The following GABRA3 variants were observed in gnomAD, a reference collection of about 807,000 sequenced individuals.
GABRA3 encodes gamma-aminobutyric acid receptor subunit alpha-3.
GABRA3 carries 10 observed loss-of-function variants against 30.1 expected under a neutral mutation model. That is an observed-to-expected ratio of 0.33 (90% CI 0.20 to 0.56). GABRA3 has a LOEUF of 0.56. Ranked by LOEUF, GABRA3 falls within the 20% of genes least tolerant of loss-of-function variation. GABRA3 has a pLI of 0.89. For missense variants in GABRA3, 233 were observed against 392.0 expected (o/e 0.59, Z 3.42); for synonymous variants, 151 against 146.8 (o/e 1.03, Z -0.21).
chrX:152,277,700 CTGT>C (rs753677140), intron 4 of GABRA3, among the ~76,000 whole-genome samples: 76 of 112,049 alleles, frequency 6.8e-4, no homozygotes, highest in African/African-American at 2.3e-3. Flanking sequence ...CAAATGAATT[CTGT>C]TGTTTTGTGA....
intron 6 of GABRA3, among the ~76,000 whole-genome samples, chrX:152,209,741 T>C (rs1258396975): frequency 8.9e-6 from 1 of 112,509 alleles, no homozygotes; most frequent in Non-Finnish European, 1.9e-5. Flanking sequence ...AATAAGTCAT[T>C]TCCTGCTTTG....
chrX:152,322,804 G>C (rs1390893554), intron 3 of GABRA3, among the ~76,000 whole-genome samples: 1 of 102,414 alleles, frequency 9.8e-6, no homozygotes, highest in Non-Finnish European at 2.0e-5. Context: ...AAAGTGCTGG[G>C]ATTACAGGTG....
chrX:152,257,838 G>C (rs1187923752), intron 4 of GABRA3, among the ~76,000 whole-genome samples: 1 of 112,100 alleles, frequency 8.9e-6, no homozygotes, highest in East Asian at 2.8e-4. Flanking sequence ...CTGAAATGTA[G>C]CAACCTCAAA....
chrX:152,381,062 T>C (rs868573364), intron 1 of GABRA3, among the ~76,000 whole-genome samples: 1 of 111,565 alleles, frequency 9.0e-6, no homozygotes, highest in Non-Finnish European at 1.9e-5. Context: ...CCCCTCAGAT[T>C]TGATCTCCTT....
chrX:152,417,037 A>C (rs1209818816), intron 1 of GABRA3, among the ~76,000 whole-genome samples: 1 of 102,553 alleles, frequency 9.8e-6, no homozygotes, highest in Non-Finnish European at 2.0e-5. Context: ...GATCTAATTA[A>C]ACTAAAGAGC....
At chrX:152,391,732 G>A (rs2124515254) in intron 1 of GABRA3, among the ~76,000 whole-genome samples, 1 of 111,471 alleles carries the variant, frequency 9.0e-6, no homozygotes, top group Non-Finnish European at 1.9e-5. Context: ...GGAGTAAAGG[G>A]TATATGTGCA....
intron 7 of GABRA3, among the ~76,000 whole-genome samples, chrX:152,206,624 C>T (rs762099768): frequency 9.9e-4 from 110 of 111,626 alleles, no homozygotes; most frequent in African/African-American, 3.4e-3. Context: ...GCCCTGGCCA[C>T]GCAGTGGCCC....
intron 9 of GABRA3, among the ~76,000 whole-genome samples, chrX:152,181,199 T>G (rs1313518155): frequency 1.8e-5 from 2 of 112,031 alleles, no homozygotes; most frequent in Non-Finnish European, 3.8e-5. Flanking sequence ...ATTTGTGTCT[T>G]CAATTTCTTT....
At position 152,267,722 on chromosome X, in the gene GABRA3, G is replaced by T. The variant is rs1433157250; in HGVS notation, c.331-11724C>A. On this transcript the variant is annotated intron_variant, in intron 4 of 9. Coordinates refer to ENST00000370314, the MANE Select transcript of GABRA3 (RefSeq NM_000808.4). ...TTATTGGGGTTTTCTCTTTCTTCAT[G>T]GTTTAGTCTTAGTAAGCTGTATGTG... Among the ~76,000 whole-genome samples the T allele has an allele frequency of 3.6e-5, 4 of 111,043 alleles. No individual in the cohort carries two copies. In the Admixed American group the frequency reaches 3.8e-4, roughly 11 times the overall value.
intron 5 of GABRA3, among the ~76,000 whole-genome samples, chrX:152,238,476 C>T (rs1396051933): frequency 7.5e-5 from 8 of 106,403 alleles, no homozygotes; most frequent in Admixed American, 3.0e-4. Flanking sequence ...TGTCTCTGCC[C>T]GGCTTTGGTA....
intron 2 of GABRA3, among the ~76,000 whole-genome samples, chrX:152,348,049 T>C (rs1940417568): frequency 8.9e-6 from 1 of 111,974 alleles, no homozygotes; most frequent in African/African-American, 3.2e-5. Context: ...CCCCAAATTA[T>C]TTTCAATATA....
At chrX:152,297,943 AATG>A (rs1172814468) in intron 3 of GABRA3, among the ~76,000 whole-genome samples, 1 of 112,298 alleles carries the variant, frequency 8.9e-6, no homozygotes, top group African/African-American at 3.2e-5. Context: ...GCAGTGCCCA[AATG>A]ATGACCAAAA....
At chrX:152,348,165 C>T (rs1940419946) in intron 2 of GABRA3, among the ~76,000 whole-genome samples, 1 of 111,282 alleles carries the variant, frequency 9.0e-6, no homozygotes, top group African/African-American at 3.3e-5. Flanking sequence ...AGAACTCTTT[C>T]TTATTCAGTA....
intron 3 of GABRA3, among the ~76,000 whole-genome samples, chrX:152,293,662 G>A (rs970788965): frequency 1.8e-5 from 2 of 111,836 alleles, no homozygotes; most frequent in African/African-American, 6.5e-5. Context: ...ATTTGATCCT[G>A]TCATTATGAT....
intron 1 of GABRA3, among the ~76,000 whole-genome samples, chrX:152,442,546 C>A (rs1207737374): frequency 1.8e-5 from 2 of 111,199 alleles, no homozygotes; most frequent in African/African-American, 6.5e-5. Context: ...AAATTAAGAG[C>A]ATAAAATAAA....
chrX:152,237,335 G>T, intron 5 of GABRA3, among the ~76,000 whole-genome samples: 1 of 107,867 alleles, frequency 9.3e-6, no homozygotes, highest in African/African-American at 3.4e-5. Flanking sequence ...TGAGGGCTCT[G>T]TTCTGTTCCA....
At chrX:152,193,520 A>G (rs914961212) in intron 8 of GABRA3, among the ~76,000 whole-genome samples, 1 of 112,206 alleles carries the variant, frequency 8.9e-6, no homozygotes, top group African/African-American at 3.2e-5. Context: ...GGGTGAGTAT[A>G]TGCTTTCATT....
intron 1 of GABRA3, among the ~76,000 whole-genome samples, chrX:152,402,161 G>A (rs774400062): frequency 8.9e-6 from 1 of 112,037 alleles, no homozygotes; most frequent in Non-Finnish European, 1.9e-5. Context: ...CAGGACCTCC[G>A]TAAGGAATAC....
rs1936960272 is a variant in GABRA3 at position 152,168,239 on chromosome X, G to A, written c.1468C>T (p.Arg490Cys). 1 of 1,209,046 alleles carries A rather than the reference G, an allele frequency of 8.3e-7. No individual in the cohort carries two copies. Among genetic ancestry groups the A allele is most frequent in the Non-Finnish European group, 1.1e-6 (1 of 893,199 alleles). ...ACTGCCACCACTATCTACTGTTTGC[G>A]GATCATGCCCTTGATAGCTGACTCC... ...NRESAIKGMI[R>C]KQ The change falls in exon 10 of 10, where the codon CGC becomes TGC. Residue 490 changes from arginine (R) to cysteine (C), a missense_variant. Arg to Cys is a radical substitution (Grantham distance 180). Transcript: ENST00000370314.
Sources: allele counts gnomAD v4.1 joint callset (sites outside exome capture counted in the v4.1 genomes callset), GRCh38; gene constraint gnomAD v4.1.1; transcripts MANE v1.5; gene names NCBI Gene and HGNC (gene_info 2026-07-23, HGNC 2026-07-21).